The following TIAM2 variants were observed in gnomAD, a reference collection of about 807,000 sequenced individuals.
TIAM2 encodes rho guanine nucleotide exchange factor TIAM2.
A neutral mutation model predicts 152.9 loss-of-function variants in TIAM2; 80 were observed. The ratio of observed to expected loss-of-function variants is 0.52; its 90% CI spans 0.44 to 0.63. TIAM2 has a LOEUF of 0.63. Among genes scored for constraint, TIAM2 ranks in the 30% least tolerant of loss-of-function variants. The probability of loss-of-function intolerance (pLI) is 0.00; values close to 1 mark genes in which losing one functional copy is unlikely to be tolerated. For synonymous variants in TIAM2, 804 were observed against 838.0 expected (o/e 0.96, Z 0.70); for missense variants, 1,965 against 2,120.1 (o/e 0.93, Z 1.44).
chr6:155,067,756 T>A (rs144883959), intron 1 of TIAM2, among the ~76,000 whole-genome samples: 1 of 152,126 alleles, frequency 6.6e-6, no homozygotes, highest in East Asian at 1.9e-4. Flanking sequence ...TCCTCCCACC[T>A]CTTAGCCTCC....
chr6:155,117,321 A>G (rs1305485173), intron 2 of TIAM2, among the ~76,000 whole-genome samples: 1 of 152,130 alleles, frequency 6.6e-6, no homozygotes, highest in African/African-American at 2.4e-5. Flanking sequence ...AGTTTCTGCA[A>G]TGGCTCACAT....
intron 15 of TIAM2, among the ~76,000 whole-genome samples, chr6:155,216,287 G>T (rs916481979): frequency 6.6e-6 from 1 of 152,160 alleles, no homozygotes; most frequent in African/African-American, 2.4e-5. Flanking sequence ...AGCCCAACTG[G>T]TCTTCTCAGG....
intron 1 of TIAM2, among the ~76,000 whole-genome samples, chr6:155,006,074 C>T (rs951453173): frequency 6.6e-6 from 1 of 152,176 alleles, no homozygotes; most frequent in Non-Finnish European, 1.5e-5. Context: ...CCTCGAGCCT[C>T]GAGGAGTAGA....
At chr6:155,103,618 G>A (rs1778596610) in intron 2 of TIAM2, among the ~76,000 whole-genome samples, 1 of 151,126 alleles carries the variant, frequency 6.6e-6, no homozygotes, top group Admixed American at 6.6e-5. Context: ...CAGCTACTCG[G>A]GAGGCTGAGG....
chr6:155,070,843 T>C (rs1166320214), intron 1 of TIAM2, among the ~76,000 whole-genome samples: 1 of 152,186 alleles, frequency 6.6e-6, no homozygotes, highest in Non-Finnish European at 1.5e-5. Context: ...TGACTGACCC[T>C]ATTGGCTCAG....
chr6:155,130,242 A>C lies in TIAM2; in HGVS notation c.1019A>C (p.Asp340Ala), dbSNP rs970410029. 11 of 1,614,048 alleles carry C rather than the reference A, an allele frequency of 6.8e-6. No homozygotes were observed. The highest frequency in any genetic ancestry group is 1.3e-5 in the African/African-American group (1 of 74,978). The change falls in exon 4 of 27, where the codon GAT (aspartate) becomes GCT (alanine). Residue 340 changes from aspartate (D) to alanine (A), a missense_variant. Transcript: ENST00000682666. ...CGTGTCTCTTTTGCTTCCGACATTG[A>C]TGTGCCCTCCAGAGTGGCACACGGG... is the stretch of plus-strand genomic sequence containing the variant. ...SNRVSFASDIDVPSRVAHGDP... is the reference protein window; with the variant it reads ...SNRVSFASDIAVPSRVAHGDP...
chr6:155,254,594 G>C, intron 26 of TIAM2, 21 bp downstream of exon 26: 4 of 1,604,260 alleles, frequency 2.5e-6, no homozygotes, highest in Non-Finnish European at 3.4e-6. Flanking sequence ...TGCTAGCCTT[G>C]TGTTTATTCA....
At chr6:155,221,126 GA>G (rs11309755) in intron 15 of TIAM2, among the ~76,000 whole-genome samples, 63,680 of 108,886 alleles carry the variant, frequency 0.58, 15,161 homozygotes, top group Middle Eastern at 0.65. Flanking sequence ...TTTTTTTTTT[GA>G]AAAAAAAAAA....
At chr6:155,133,419 ATTTAT>A (rs1173320188) in intron 4 of TIAM2, among the ~76,000 whole-genome samples, 3 of 152,152 alleles carry the variant, frequency 2.0e-5, no homozygotes, top group Non-Finnish European at 4.4e-5. Flanking sequence ...GAATTTTATT[ATTTAT>A]TTTATTTTAT....
chr6:155,038,554 G>A (rs1776963264), intron 1 of TIAM2, among the ~76,000 whole-genome samples: 1 of 152,198 alleles, frequency 6.6e-6, no homozygotes, highest in South Asian at 2.1e-4. Context: ...AAACTACTAA[G>A]ACAATGCTGA....
At chr6:155,121,505 GA>G (rs762398853) in intron 2 of TIAM2, among the ~76,000 whole-genome samples, 6 of 152,208 alleles carry the variant, frequency 3.9e-5, no homozygotes, top group Non-Finnish European at 8.8e-5. Context: ...TTGAGAGACA[GA>G]AGCAGGGCTT....
intron 9 of TIAM2, chr6:155,168,834 C>A (rs763470448): frequency 3.1e-5 from 48 of 1,533,230 alleles, no homozygotes; most frequent in Non-Finnish European, 4.1e-5. Context: ...TTTTCCTCCC[C>A]CATCTGTCAG....
At chr6:155,011,127 C>G (rs1330863769) in intron 1 of TIAM2, among the ~76,000 whole-genome samples, 1 of 151,858 alleles carries the variant, frequency 6.6e-6, no homozygotes, top group Non-Finnish European at 1.5e-5. Context: ...ATGGAATGAC[C>G]AAAACCAAAA....
At chr6:155,121,663 T>C (rs1187918589) in intron 2 of TIAM2, among the ~76,000 whole-genome samples, 1 of 152,200 alleles carries the variant, frequency 6.6e-6, no homozygotes, top group Non-Finnish European at 1.5e-5. Context: ...GTTATCTGGC[T>C]CTTGTCACTA....
intron 1 of TIAM2, among the ~76,000 whole-genome samples, chr6:155,021,395 G>A (rs1395285319): frequency 6.6e-6 from 1 of 152,040 alleles, no homozygotes; most frequent in East Asian, 1.9e-4. Flanking sequence ...CCGAGTAGCT[G>A]GGATTGCAGA....
intron 7 of TIAM2, among the ~76,000 whole-genome samples, chr6:155,158,777 G>GTTTT (rs10643930): frequency 1.5e-3 from 226 of 145,854 alleles, no homozygotes; most frequent in Non-Finnish European, 2.3e-3. Context: ...GGCTGCAAGT[G>GTTTT]TTTTTTTTTT....
At chr6:155,015,275 G>A (rs1008936775) in intron 1 of TIAM2, among the ~76,000 whole-genome samples, 1 of 152,116 alleles carries the variant, frequency 6.6e-6, no homozygotes, top group African/African-American at 2.4e-5. Flanking sequence ...GGAGTTGGGG[G>A]AAGATTACAT....
rs770960693 is a variant in TIAM2, at chr6:155,244,642, C to A, written c.3418-16C>A. The stretch of plus-strand genomic sequence containing the variant: ...CATGGCTAATCCCCTCATTTCAAAT[C>A]CTGATCTTCACATAGATGGAGTCAC... On this transcript the variant is annotated splice_polypyrimidine_tract_variant and intron_variant, in intron 17 of 26. Transcript: ENST00000682666. The A allele has an allele frequency of 6.2e-7, 1 of 1,612,746 alleles. No homozygotes were observed. The highest frequency in any genetic ancestry group is 8.5e-7 in the Non-Finnish European group (1 of 1,179,358).
intron 1 of TIAM2, among the ~76,000 whole-genome samples, chr6:155,066,955 C>T (rs1478798466): frequency 4.6e-5 from 7 of 152,076 alleles, no homozygotes; most frequent in Non-Finnish European, 7.4e-5. Flanking sequence ...CAGGGTTTTG[C>T]TATATTAGCC....
Sources: allele counts gnomAD v4.1 joint callset (sites outside exome capture counted in the v4.1 genomes callset), GRCh38; gene constraint gnomAD v4.1.1; transcripts MANE v1.5; gene names NCBI Gene and HGNC (gene_info 2026-07-23, HGNC 2026-07-21).